Variants in ROR1 observed in about 807,000 individuals in gnomAD.
ROR1 encodes the protein inactive tyrosine-protein kinase transmembrane receptor ROR1.
In ROR1, 19 loss-of-function variants were observed where a neutral mutation model predicts 78.8. The ratio of observed to expected loss-of-function variants is 0.24; its 90% CI spans 0.17 to 0.35. The LOEUF (loss-of-function observed/expected upper bound fraction) is 0.35. ROR1 is among the 10% of genes least tolerant of loss of function. The pLI, the probability that ROR1 is intolerant of heterozygous loss-of-function variation, is 1.00. For missense variants in ROR1, 917 were observed against 1,177.8 expected, an observed-to-expected ratio of 0.78 and a Z score of 3.24; for synonymous variants, 386 against 433.6, an observed-to-expected ratio of 0.89 and a Z score of 1.36.
At chr1:64,123,977 G>A (rs1191444840) in intron 4 of ROR1, among the ~76,000 whole-genome samples, 1 of 152,016 alleles carries the variant, frequency 6.6e-6, no homozygotes, top group Admixed American at 6.5e-5. Flanking sequence ...GAATATAATG[G>A]TAACTGTGTA....
chr1:63,999,794 T>C (rs1248459375), intron 1 of ROR1, among the ~76,000 whole-genome samples: 1 of 152,156 alleles, frequency 6.6e-6, no homozygotes, highest in Non-Finnish European at 1.5e-5. Context: ...GGCAATATAG[T>C]TTTCTAAACT....
chr1:64,070,565 G>A (rs929048811), intron 4 of ROR1, among the ~76,000 whole-genome samples: 4 of 151,876 alleles, frequency 2.6e-5, no homozygotes, highest in East Asian at 1.9e-4. Flanking sequence ...AACCATCCTC[G>A]CACCTCAGCC....
chr1:64,068,739 A>AT (rs896997167), intron 4 of ROR1, among the ~76,000 whole-genome samples: 1 of 151,740 alleles, frequency 6.6e-6, no homozygotes, highest in Non-Finnish European at 1.5e-5. Flanking sequence ...TGTGATAGAA[A>AT]TTTTTTTTTC....
At chr1:63,863,804 T>TTGTATTGTATTG (rs1273822103) in intron 1 of ROR1, among the ~76,000 whole-genome samples, 4 of 120,924 alleles carry the variant, frequency 3.3e-5, no homozygotes, top group African/African-American at 1.2e-4. Context: ...TTGTATTGTA[T>TTGTATTGTATTG]CATAGATGGC....
intron 1 of ROR1, among the ~76,000 whole-genome samples, chr1:63,972,080 T>A (rs1200298007): frequency 1.3e-5 from 2 of 152,152 alleles, no homozygotes; most frequent in African/African-American, 4.8e-5. Flanking sequence ...ATTCCTGAAG[T>A]TTTTTCTTAG....
At chr1:64,071,122 G>T (rs1249008302) in intron 4 of ROR1, among the ~76,000 whole-genome samples, 1 of 152,206 alleles carries the variant, frequency 6.6e-6, no homozygotes, top group African/African-American at 2.4e-5. Context: ...CGAGTTGTGG[G>T]AAGTATGACT....
At chr1:64,077,435 C>A (rs1226846390) in intron 4 of ROR1, among the ~76,000 whole-genome samples, 2 of 151,800 alleles carry the variant, frequency 1.3e-5, no homozygotes, top group African/African-American at 4.8e-5. Context: ...GACTTTACCC[C>A]AGGCCCTGAA....
At chr1:63,956,435 C>T (rs1010032060) in intron 1 of ROR1, among the ~76,000 whole-genome samples, 6 of 152,280 alleles carry the variant, frequency 3.9e-5, no homozygotes, top group East Asian at 1.9e-4. Flanking sequence ...GAAGCTAACT[C>T]GTAGGGTCAT....
At chr1:64,036,934 G>T (rs144995889) in intron 2 of ROR1, among the ~76,000 whole-genome samples, 1 of 152,294 alleles carries the variant, frequency 6.6e-6, no homozygotes, top group African/African-American at 2.4e-5. Context: ...GACAAAAACA[G>T]CTGGAGTCTG....
At chr1:63,897,365 C>T (rs72928802) in intron 1 of ROR1, among the ~76,000 whole-genome samples, 8,249 of 152,206 alleles carry the variant, frequency 0.054, 752 homozygotes, top group African/African-American at 0.19. Flanking sequence ...GATACCCAGA[C>T]GAATAAGACA....
chr1:63,911,584 C>A (rs539163809), intron 1 of ROR1, among the ~76,000 whole-genome samples: 8 of 152,018 alleles, frequency 5.3e-5, no homozygotes, highest in African/African-American at 9.7e-5. Flanking sequence ...CCATCCCCCC[C>A]ACCCCCAACC....
intron 2 of ROR1, among the ~76,000 whole-genome samples, chr1:64,039,434 C>G (rs1030438343): frequency 4.6e-5 from 7 of 152,142 alleles, no homozygotes; most frequent in Non-Finnish European, 8.8e-5. Context: ...TGAAAGCCAC[C>G]TAGGCTCCAC....
At position 63,828,074 on chromosome 1, in the gene ROR1, G is replaced by T. The variant is rs575600798; in HGVS notation, c.91+53566G>T. ...TTTATCTGCTAAGCCACCCCAAAAGGTAACAGCATTCTAGTTTTTGTACAA... is the reference window on the plus strand; with the variant it reads ...TTTATCTGCTAAGCCACCCCAAAAGTTAACAGCATTCTAGTTTTTGTACAA... On this transcript the variant is annotated intron_variant, in intron 1 of 8. Coordinates refer to ENST00000371079, the MANE Select transcript of ROR1 (RefSeq NM_005012.4). Among the ~76,000 whole-genome samples, 38 of 152,172 alleles carry T rather than the reference G, an allele frequency of 2.5e-4. No homozygotes were observed. The South Asian group carries it at 7.9e-3, about 32-fold the overall frequency.
chr1:64,030,372 T>A (rs1428251663), intron 2 of ROR1, among the ~76,000 whole-genome samples: 3 of 152,194 alleles, frequency 2.0e-5, no homozygotes, highest in Non-Finnish European at 4.4e-5. Flanking sequence ...AAGAACTTTT[T>A]AATAAATAAC....
intron 1 of ROR1, among the ~76,000 whole-genome samples, chr1:63,996,843 G>A (rs113726630): frequency 4.6e-4 from 70 of 152,194 alleles, no homozygotes; most frequent in African/African-American, 1.5e-3. Flanking sequence ...GATTGGGTGA[G>A]GAGAGATCAT....
At chr1:64,150,358 C>T (rs1473393830) in intron 7 of ROR1, among the ~76,000 whole-genome samples, 12 of 152,256 alleles carry the variant, frequency 7.9e-5, no homozygotes, top group Admixed American at 2.6e-4. Flanking sequence ...TGCCAAAGGG[C>T]GCATTGCCCA....
intron 4 of ROR1, among the ~76,000 whole-genome samples, chr1:64,082,152 G>T (rs1043762878): frequency 6.6e-6 from 1 of 151,938 alleles, no homozygotes; most frequent in Non-Finnish European, 1.5e-5. Context: ...AGAGATGAGA[G>T]CCAAGGCTTG....
chr1:64,007,956 CT>C (rs74261212), intron 1 of ROR1, among the ~76,000 whole-genome samples: 103 of 137,704 alleles, frequency 7.5e-4, no homozygotes, highest in African/African-American at 2.0e-3. Flanking sequence ...TGCCCTTGTT[CT>C]TTTTTTTTTT....
intron 1 of ROR1, chr1:63,788,788 T>G (rs1644707232): frequency 3.4e-6 from 2 of 583,708 alleles, no homozygotes. Context: ...GCACTCTTTA[T>G]GGCGCTTGCA....
Sources: gnomAD v4.1 joint callset for allele counts (sites outside exome capture counted in the v4.1 genomes callset) on GRCh38, gnomAD v4.1.1 for gene constraint, MANE v1.5 for transcripts, NCBI Gene and HGNC (gene_info 2026-07-23, HGNC 2026-07-21) for gene names.